Variants in NIPBL observed in about 807,000 individuals in gnomAD.
NIPBL encodes NIPBL cohesin loading factor.
Under a neutral mutation model 321.8 loss-of-function variants are expected in NIPBL, and 19 were observed. The observed-to-expected ratio is 0.06, with a 90% CI of 0.04 to 0.09. NIPBL has a LOEUF of 0.09. Ranked by LOEUF, NIPBL falls within the 10% of genes least tolerant of loss-of-function variation. The pLI, the probability that NIPBL is intolerant of heterozygous loss-of-function variation, is 1.00. For missense variants in NIPBL, 2,210 were observed against 3,327.0 expected, an observed-to-expected ratio of 0.66 and a Z score of 8.26; for synonymous variants, 1,106 against 1,114.1, an observed-to-expected ratio of 0.99 and a Z score of 0.14.
intron 1 of NIPBL, among the ~76,000 whole-genome samples, chr5:36,923,388 A>G (rs1028382638): frequency 1.3e-5 from 2 of 151,938 alleles, no homozygotes; most frequent in Non-Finnish European, 2.9e-5. Context: ...ATATATATAT[A>G]TTTTTTCCTT....
chr5:36,984,591 AAAAGAT>A, intron 9 of NIPBL, 79 bp from the exon 10 acceptor site: 1 of 1,273,314 alleles, frequency 7.9e-7, no homozygotes, highest in East Asian at 2.4e-5. Context: ...CATAACCTTA[AAAAGAT>A]AAACAACGTC....
intron 25 of NIPBL, among the ~76,000 whole-genome samples, chr5:37,019,806 A>T (rs1749420549): frequency 6.6e-6 from 1 of 152,232 alleles, no homozygotes; most frequent in Admixed American, 6.5e-5. Flanking sequence ...TGTATGTTAC[A>T]CAATGTAACC....
chr5:37,013,446 T>C (rs1462001817), intron 21 of NIPBL, among the ~76,000 whole-genome samples: 46 of 136,542 alleles, frequency 3.4e-4, no homozygotes, highest in Admixed American at 7.1e-4. Context: ...TCCTCACTTC[T>C]CAGACGGGGC....
chr5:36,950,759 C>G (rs1014644766), intron 1 of NIPBL, among the ~76,000 whole-genome samples: 18 of 152,068 alleles, frequency 1.2e-4, no homozygotes, highest in African/African-American at 4.3e-4. Flanking sequence ...CAGAGCCAAG[C>G]AGTCCAAAAC....
chr5:36,889,986 CTATTAAATT>C (rs1488277096), intron 1 of NIPBL, among the ~76,000 whole-genome samples: 5 of 151,044 alleles, frequency 3.3e-5, no homozygotes, highest in Non-Finnish European at 5.9e-5. Context: ...ACTAAGTTTC[CTATTAAATT>C]TTTACATAAA....
chr5:37,023,548 C>G (rs1428839962), intron 29 of NIPBL, among the ~76,000 whole-genome samples: 1 of 151,636 alleles, frequency 6.6e-6, no homozygotes, highest in Non-Finnish European at 1.5e-5. Context: ...TTTGTAACAC[C>G]AAAAAAAGAT....
At chr5:36,887,905 A>T (rs535781449) in intron 1 of NIPBL, among the ~76,000 whole-genome samples, 6 of 152,310 alleles carry the variant, frequency 3.9e-5, no homozygotes, top group Admixed American at 1.3e-4. Flanking sequence ...GAAAACTATT[A>T]AAAAATACAT....
chr5:36,958,256 C>T (rs749917305), intron 4 of NIPBL, 25 bp downstream of exon 4: 2 of 1,610,540 alleles, frequency 1.2e-6, no homozygotes, highest in African/African-American at 2.7e-5. Flanking sequence ...AACTGAATTC[C>T]CATATCAAAC....
intron 44 of NIPBL, among the ~76,000 whole-genome samples, chr5:37,060,048 T>C (rs150917396): frequency 2.1e-3 from 320 of 152,136 alleles, no homozygotes; most frequent in African/African-American, 7.1e-3. Context: ...AAGAGTGTGT[T>C]GCATGTAAAG....
chr5:37,024,095 G>A (rs1470573850), intron 29 of NIPBL, among the ~76,000 whole-genome samples: 1 of 151,906 alleles, frequency 6.6e-6, no homozygotes, highest in Non-Finnish European at 1.5e-5. Context: ...AGCCTGGGAG[G>A]CAGAGGTTGC....
chr5:36,955,957 T>C (rs292183), intron 3 of NIPBL, among the ~76,000 whole-genome samples: 88,867 of 151,344 alleles, frequency 0.59, 28,885 homozygotes, highest in African/African-American at 0.89. Flanking sequence ...CGCGGTGGCT[T>C]ACACCTGTAA....
chr5:36,938,463 A>G (rs1203713968), intron 1 of NIPBL, among the ~76,000 whole-genome samples: 1 of 152,174 alleles, frequency 6.6e-6, no homozygotes, highest in Non-Finnish European at 1.5e-5. Context: ...AGATTATGGT[A>G]GTTTCTTGAC....
intron 1 of NIPBL, among the ~76,000 whole-genome samples, chr5:36,946,874 T>G (rs1384921388): frequency 6.6e-6 from 1 of 152,004 alleles, no homozygotes; most frequent in African/African-American, 2.4e-5. Flanking sequence ...GCTGTAGGTT[T>G]ATCTTTTTTC....
chr5:37,025,583 A>G (rs149621583), intron 30 of NIPBL, among the ~76,000 whole-genome samples: 1 of 152,280 alleles, frequency 6.6e-6, no homozygotes, highest in East Asian at 1.9e-4. Flanking sequence ...AAGGAATAAA[A>G]TTTAGTGTTC....
chr5:36,894,432 C>T (rs1007087797), intron 1 of NIPBL, among the ~76,000 whole-genome samples: 2 of 152,048 alleles, frequency 1.3e-5, no homozygotes, highest in African/African-American at 4.8e-5. Context: ...ACTATACTGT[C>T]ATGTATGTAC....
At chr5:36,913,694 G>A (rs1201751609) in intron 1 of NIPBL, among the ~76,000 whole-genome samples, 2 of 152,020 alleles carry the variant, frequency 1.3e-5, no homozygotes, top group Non-Finnish European at 2.9e-5. Flanking sequence ...ATATATTTTT[G>A]CATGTGGTAG....
At chr5:36,995,856 A>ATG in intron 11 of NIPBL, 52 bp downstream of exon 11, 1 of 1,513,622 alleles carries the variant, frequency 6.6e-7, no homozygotes, top group Non-Finnish European at 9.1e-7. Flanking sequence ...AAGCAGGTTG[A>ATG]TGTGTTTTTC....
chr5:36,999,135 G>C (rs1456537782), intron 11 of NIPBL, among the ~76,000 whole-genome samples: 1 of 152,122 alleles, frequency 6.6e-6, no homozygotes, highest in Non-Finnish European at 1.5e-5. Flanking sequence ...ACAGAGTATA[G>C]ACATTTATTA....
intron 2 of NIPBL, 62 bp from the exon 3 acceptor site, chr5:36,955,410 T>A (rs1740828260): frequency 5.2e-6 from 7 of 1,334,534 alleles, no homozygotes; most frequent in South Asian, 4.7e-5. Flanking sequence ...AAAATACAGA[T>A]AAGCACTAAA....
Sources: gnomAD v4.1 joint callset for allele counts (sites outside exome capture counted in the v4.1 genomes callset) on GRCh38, gnomAD v4.1.1 for gene constraint, MANE v1.5 for transcripts, NCBI Gene and HGNC (gene_info 2026-07-23, HGNC 2026-07-21) for gene names.